Variants in JMJD1C observed in about 807,000 individuals in gnomAD.
The protein encoded by JMJD1C is jumonji domain containing 1C.
In JMJD1C, 31 loss-of-function variants were observed where a neutral mutation model predicts 245.3. That is an observed-to-expected ratio of 0.13 (90% CI 0.09 to 0.17). The LOEUF is 0.17. Among genes scored for constraint, JMJD1C ranks in the 10% least tolerant of loss-of-function variants. The probability of loss-of-function intolerance (pLI) is 1.00; values close to 1 mark genes in which losing one functional copy is unlikely to be tolerated. For missense variants in JMJD1C, 2,691 were observed against 3,000.2 expected (o/e 0.90, Z 2.41); for synonymous variants, 1,057 against 1,017.4 (o/e 1.04, Z -0.74).
chr10:63,298,836 G>A (rs376926612), intron 2 of JMJD1C, among the ~76,000 whole-genome samples: 2 of 152,184 alleles, frequency 1.3e-5, no homozygotes, highest in African/African-American at 2.4e-5. Context: ...GGGTTCAAGC[G>A]ATTCTCCTGC....
chr10:63,476,242 TTA>T (rs531571930), intron 1 of JMJD1C, among the ~76,000 whole-genome samples: 2 of 147,472 alleles, frequency 1.4e-5, no homozygotes, highest in South Asian at 4.2e-4. Context: ...TATTTATTTA[TTA>T]TATATATATA....
At chr10:63,454,073 CAT>C (rs760389210) in intron 1 of JMJD1C, among the ~76,000 whole-genome samples, 10 of 152,048 alleles carry the variant, frequency 6.6e-5, no homozygotes, top group South Asian at 2.1e-4. Context: ...CAGAAAATTA[CAT>C]GTTTTAATTT....
intron 2 of JMJD1C, among the ~76,000 whole-genome samples, chr10:63,348,901 G>A (rs1168046916): frequency 6.6e-6 from 1 of 151,914 alleles, no homozygotes; most frequent in African/African-American, 2.4e-5. Context: ...AGGAGTTTGG[G>A]ATCAGCCTGG....
chr10:63,193,657 T>A (rs879740352), intron 14 of JMJD1C, 185 bp from the exon 15 acceptor site: 2 of 456,924 alleles, frequency 4.4e-6, no homozygotes, highest in Non-Finnish European at 7.5e-6. Flanking sequence ...ACCAAATTTA[T>A]GTTTTTTTTG....
At chr10:63,234,493 T>TAAAAAAAAAAAAA (rs71025129) in intron 3 of JMJD1C, among the ~76,000 whole-genome samples, 58 of 37,028 alleles carry the variant, frequency 1.6e-3, no homozygotes, top group African/African-American at 5.1e-3. Context: ...AACCTCCTCT[T>TAAAAAAAAAAAAA]AAAAAAAAAA....
chr10:63,196,581 T>TA (rs1564587244), intron 13 of JMJD1C, among the ~76,000 whole-genome samples: 2 of 152,216 alleles, frequency 1.3e-5, no homozygotes, highest in East Asian at 3.9e-4. Context: ...ATGGTTCATC[T>TA]ACCTGATACA....
At chr10:63,420,092 C>T (rs1236554329) in intron 1 of JMJD1C, among the ~76,000 whole-genome samples, 5 of 151,376 alleles carry the variant, frequency 3.3e-5, no homozygotes, top group Admixed American at 1.3e-4. Context: ...GCCGAGATCA[C>T]GCCACTGCAC....
intron 1 of JMJD1C, among the ~76,000 whole-genome samples, chr10:63,492,746 C>A (rs1408949884): frequency 1.3e-5 from 2 of 151,942 alleles, no homozygotes; most frequent in Admixed American, 1.3e-4. Flanking sequence ...AAAATAATCA[C>A]TAAAAATATA....
At chr10:63,220,311 T>C (rs1848450685) in intron 3 of JMJD1C, among the ~76,000 whole-genome samples, 1 of 152,206 alleles carries the variant, frequency 6.6e-6, no homozygotes, top group Admixed American at 6.5e-5. Flanking sequence ...TGAAATAACA[T>C]CAGGTCATTT....
intron 1 of JMJD1C, among the ~76,000 whole-genome samples, chr10:63,397,055 C>G (rs1319093130): frequency 1.0e-5 from 1 of 98,306 alleles, no homozygotes; most frequent in African/African-American, 2.7e-5. Flanking sequence ...CAGTAACACT[C>G]TATTTTGACA....
chr10:63,211,981 A>G (rs1847415996), intron 8 of JMJD1C, among the ~76,000 whole-genome samples: 1 of 142,570 alleles, frequency 7.0e-6, no homozygotes, highest in Admixed American at 6.9e-5. Context: ...ACAGTGGAAT[A>G]TTATACAGCC....
At chr10:63,283,400 C>T (rs933603330) in intron 2 of JMJD1C, among the ~76,000 whole-genome samples, 18 of 150,718 alleles carry the variant, frequency 1.2e-4, no homozygotes, top group Non-Finnish European at 2.4e-4. Flanking sequence ...CAAGTCTTGC[C>T]CTGTTACCCA....
intron 1 of JMJD1C, among the ~76,000 whole-genome samples, chr10:63,507,439 A>G (rs932968471): frequency 1.3e-5 from 2 of 151,832 alleles, no homozygotes; most frequent in Non-Finnish European, 1.5e-5. Flanking sequence ...AAGTCAGGAG[A>G]TCGAGACCAG....
At chr10:63,396,038 A>G (rs1237061367) in intron 1 of JMJD1C, among the ~76,000 whole-genome samples, 1 of 152,192 alleles carries the variant, frequency 6.6e-6, no homozygotes, top group African/African-American at 2.4e-5. Flanking sequence ...ATTTGTCCTA[A>G]TTTATAAATT....
chr10:63,413,877 T>C (rs1949636335), intron 1 of JMJD1C, among the ~76,000 whole-genome samples: 2 of 152,050 alleles, frequency 1.3e-5, no homozygotes, highest in South Asian at 4.1e-4. Flanking sequence ...TCCTTGATTC[T>C]ATTTAAATGT....
intron 10 of JMJD1C, among the ~76,000 whole-genome samples, chr10:63,201,887 G>A (rs976761233): frequency 5.3e-5 from 8 of 150,204 alleles, no homozygotes; most frequent in African/African-American, 9.8e-5. Flanking sequence ...CCAACATTGC[G>A]CCACTGCACT....
At chr10:63,256,159 G>C (rs1853890907) in intron 3 of JMJD1C, among the ~76,000 whole-genome samples, 3 of 152,150 alleles carry the variant, frequency 2.0e-5, no homozygotes, top group Admixed American at 2.0e-4. Context: ...ACTTATAAAT[G>C]TTTTTAATCT....
chr10:63,428,656 C>T (rs540811495), intron 1 of JMJD1C, among the ~76,000 whole-genome samples: 41 of 151,676 alleles, frequency 2.7e-4, no homozygotes, highest in African/African-American at 9.7e-4. Flanking sequence ...ACCAGTTAGA[C>T]TATGGAAACA....
At chr10:63,187,830 T>C (rs996902249) in intron 18 of JMJD1C, among the ~76,000 whole-genome samples, 3 of 152,214 alleles carry the variant, frequency 2.0e-5, no homozygotes, top group African/African-American at 7.2e-5. Context: ...TATTATAAAA[T>C]GTCAATTTGA....
Sources: allele counts gnomAD v4.1 joint callset (sites outside exome capture counted in the v4.1 genomes callset), GRCh38; gene constraint gnomAD v4.1.1; transcripts MANE v1.5; gene names NCBI Gene and HGNC (gene_info 2026-07-23, HGNC 2026-07-21).